DUSP22: variants seen among roughly 807,000 people sequenced by gnomAD.
DUSP22 encodes dual specificity phosphatase 22, also known as dual specificity protein phosphatase 22.
In DUSP22, 24 loss-of-function variants were observed where a neutral mutation model predicts 24.5. That is an observed-to-expected ratio of 0.98 (90% confidence interval 0.71 to 1.38). The LOEUF is 1.38. Among genes scored for constraint, DUSP22 ranks in the 40% most tolerant of loss-of-function variants. The pLI, the probability that DUSP22 is intolerant of heterozygous loss-of-function variation, is 0.00. For synonymous variants in DUSP22, 160 were observed against 106.4 expected, an observed-to-expected ratio of 1.50 and a Z score of -3.10; for missense variants, 330 against 269.2, an observed-to-expected ratio of 1.23 and a Z score of -1.58.
intron 4 of DUSP22, among the ~76,000 whole-genome samples, chr6:337,552 C>T (rs547866277): frequency 1.9e-3 from 291 of 152,316 alleles, no homozygotes; most frequent in Non-Finnish European, 3.5e-3. Flanking sequence ...TCTCGTGGGT[C>T]AGTTCAGATC....
intron 4 of DUSP22, among the ~76,000 whole-genome samples, chr6:342,387 C>T (rs1261043576): frequency 3.3e-5 from 5 of 152,306 alleles, no homozygotes; most frequent in African/African-American, 1.2e-4. Flanking sequence ...CGTGAGCAGC[C>T]TGGGGGACCA....
chr6:308,861 A>G (rs1757943183), intron 2 of DUSP22, among the ~76,000 whole-genome samples: 1 of 152,310 alleles, frequency 6.6e-6, no homozygotes, highest in Non-Finnish European at 1.5e-5. Flanking sequence ...TTCAAATGCC[A>G]GGTGGAATGG....
At chr6:323,446 C>T (rs935464428) in intron 3 of DUSP22, among the ~76,000 whole-genome samples, 9 of 152,292 alleles carry the variant, frequency 5.9e-5, no homozygotes, top group South Asian at 2.1e-4. Context: ...AAGTTCTGGG[C>T]GTGGGAACGA....
Position 350,601 on chromosome 6 carries a change from G to A in DUSP22, c.*1650G>A. ...GGCCCCGGATGTACACCCGGAAAGG[G>A]GAGTGTGGCTGTAGAATCATCCATC... is the stretch of plus-strand genomic sequence containing the variant. On this transcript the variant is annotated 3_prime_UTR_variant, in exon 7 of 7. Coordinates refer to ENST00000419235, the MANE Select transcript of DUSP22 (RefSeq NM_001286555.3). 7.0e-7 allele frequency: 1 copy of A among 1,434,322 alleles called. No homozygotes were observed. The highest frequency in any genetic ancestry group is 9.1e-7 in the Non-Finnish European group (1 of 1,097,736). The allele number at this position is 1,434,322 out of a possible 1,614,324, so 88.8% of individuals were successfully genotyped here.
chr6:334,719 C>T (rs554765022), intron 3 of DUSP22, among the ~76,000 whole-genome samples: 129 of 152,374 alleles, frequency 8.5e-4, no homozygotes, highest in Non-Finnish European at 1.4e-3. Context: ...TTTTTACTTA[C>T]GAACAGTGCT....
intron 3 of DUSP22, among the ~76,000 whole-genome samples, chr6:317,981 C>T (rs1001966137): frequency 6.6e-6 from 1 of 152,304 alleles, no homozygotes; most frequent in Non-Finnish European, 1.5e-5. Context: ...TTATCATGAG[C>T]AATTTGTGAA....
chr6:348,682 T>C, intron 6 of DUSP22, 87 bp from the exon 7 acceptor site: 1 of 1,573,756 alleles, frequency 6.4e-7, no homozygotes, highest in Non-Finnish European at 8.7e-7. Flanking sequence ...TGGCACCATC[T>C]CTGTGGTGAA....
At chr6:325,170 G>A (rs1758801546) in intron 3 of DUSP22, 2 of 229,856 alleles carry the variant, frequency 8.7e-6, no homozygotes, top group South Asian at 1.0e-4. Flanking sequence ...TGTGTGCAGT[G>A]CTGTATCTGC....
At chr6:334,468 C>A (rs1759276099) in intron 3 of DUSP22, among the ~76,000 whole-genome samples, 1 of 152,182 alleles carries the variant, frequency 6.6e-6, no homozygotes, top group African/African-American at 2.4e-5. Flanking sequence ...AAACCTTTTT[C>A]TGAGTTTTAT....
At chr6:302,930 A>G (rs1220742749) in intron 1 of DUSP22, among the ~76,000 whole-genome samples, 1 of 152,284 alleles carries the variant, frequency 6.6e-6, no homozygotes, top group Non-Finnish European at 1.5e-5. Context: ...GAGGAACAGG[A>G]GCTTGGTGGG....
At chr6:322,728 T>G (rs912819875) in intron 3 of DUSP22, among the ~76,000 whole-genome samples, 4 of 151,296 alleles carry the variant, frequency 2.6e-5, no homozygotes, top group Middle Eastern at 3.8e-3. Flanking sequence ...GACAGCACCG[T>G]GTGTGGCTGG....
chr6:312,523 T>G (rs1055680684), intron 3 of DUSP22, among the ~76,000 whole-genome samples: 1 of 152,306 alleles, frequency 6.6e-6, no homozygotes, highest in African/African-American at 2.4e-5. Context: ...ATCTTTAAAT[T>G]TACCCTAATG....
At position 349,482 on chromosome 6, in the gene DUSP22, A is replaced by T; in HGVS notation, c.*531A>T. 9.9e-7 allele frequency: 1 copy of T among 1,006,550 alleles called. No individual in the cohort carries two copies. Among genetic ancestry groups the T allele is most frequent in the Non-Finnish European group, 1.2e-6 (1 of 843,300 alleles). 62.4% of individuals were successfully genotyped at this position (1,006,550 alleles called of 1,614,324 possible). ...TCCGAAAAGCTACCCAGCAAAGAGCAGTCTGTGCCTCTGAGCAGACCGTGA... is the reference window on the plus strand; with the variant it reads ...TCCGAAAAGCTACCCAGCAAAGAGCTGTCTGTGCCTCTGAGCAGACCGTGA... On this transcript the variant is annotated 3_prime_UTR_variant, in exon 7 of 7. Coordinates refer to ENST00000419235, the MANE Select transcript of DUSP22 (RefSeq NM_001286555.3).
At chr6:310,587 A>C (rs927936389) in intron 2 of DUSP22, among the ~76,000 whole-genome samples, 2 of 152,312 alleles carry the variant, frequency 1.3e-5, no homozygotes, top group African/African-American at 4.8e-5. Context: ...TAGATGATGT[A>C]AACCACAGTC....
intron 3 of DUSP22, among the ~76,000 whole-genome samples, chr6:315,485 C>T (rs921873150): frequency 6.6e-6 from 1 of 152,308 alleles, no homozygotes; most frequent in Non-Finnish European, 1.5e-5. Context: ...CCAGCATGCC[C>T]CACTGCCTCT....
At chr6:295,594 G>A (rs550982462) in intron 1 of DUSP22, among the ~76,000 whole-genome samples, 18 of 152,242 alleles carry the variant, frequency 1.2e-4, no homozygotes, top group African/African-American at 3.8e-4. Context: ...GGGCAACATG[G>A]CAAAACCCTG....
chr6:307,762 T>C (rs1757876408), intron 2 of DUSP22, among the ~76,000 whole-genome samples: 1 of 152,304 alleles, frequency 6.6e-6, no homozygotes, highest in Admixed American at 6.5e-5. Context: ...AGGTACTGTG[T>C]GTACGTGAGT....
chr6:301,383 T>C (rs558762960), intron 1 of DUSP22, among the ~76,000 whole-genome samples: 6 of 152,418 alleles, frequency 3.9e-5, no homozygotes, highest in African/African-American at 1.2e-4. Flanking sequence ...CTGGCTCGGC[T>C]GGACATAAGA....
intron 3 of DUSP22, among the ~76,000 whole-genome samples, chr6:324,664 T>A (rs1758768551): frequency 6.6e-6 from 1 of 152,308 alleles, no homozygotes; most frequent in Non-Finnish European, 1.5e-5. Context: ...CACCCTGCTC[T>A]GGGTCAGTGT....
Sources: allele counts gnomAD v4.1 joint callset (sites outside exome capture counted in the v4.1 genomes callset), GRCh38; gene constraint gnomAD v4.1.1; transcripts MANE v1.5; gene names NCBI Gene and HGNC (gene_info 2026-07-23, HGNC 2026-07-21).